The following NDST3 variants were observed in gnomAD, a reference collection of about 807,000 sequenced individuals.
The protein encoded by NDST3 is N-deacetylase and N-sulfotransferase 3, also known as bifunctional heparan sulfate N-deacetylase/N-sulfotransferase 3.
NDST3 carries 58 observed loss-of-function variants against 96.1 expected under a neutral mutation model. That is an observed-to-expected ratio of 0.60 (90% CI 0.49 to 0.75). The LOEUF (loss-of-function observed/expected upper bound fraction) is 0.75. Among genes scored for constraint, NDST3 ranks in the 30% least tolerant of loss-of-function variants. The pLI, the probability that NDST3 is intolerant of heterozygous loss-of-function variation, is 0.00. For missense variants in NDST3, 788 were observed against 1,034.2 expected (o/e 0.76, Z 3.27); for synonymous variants, 333 against 359.7 (o/e 0.93, Z 0.84).
intron 1 of NDST3, among the ~76,000 whole-genome samples, chr4:118,047,899 G>C (rs1372514780): frequency 6.6e-6 from 1 of 152,098 alleles, no homozygotes; most frequent in Non-Finnish European, 1.5e-5. Context: ...TACTATATGA[G>C]ATAACCATCC....
chr4:118,112,675 G>A (rs927445197), intron 3 of NDST3, among the ~76,000 whole-genome samples: 2 of 152,154 alleles, frequency 1.3e-5, no homozygotes, highest in Non-Finnish European at 2.9e-5. Context: ...AAGATCACCA[G>A]TCACACCTAC....
At chr4:118,089,280 A>G (rs1314118460) in intron 2 of NDST3, among the ~76,000 whole-genome samples, 3 of 152,116 alleles carry the variant, frequency 2.0e-5, no homozygotes, top group South Asian at 4.1e-4. Flanking sequence ...TGTAGAACTT[A>G]AGGGGTTTAT....
intron 6 of NDST3, among the ~76,000 whole-genome samples, chr4:118,151,083 T>G (rs1734360231): frequency 6.6e-6 from 1 of 152,136 alleles, no homozygotes; most frequent in Non-Finnish European, 1.5e-5. Flanking sequence ...TCATGTCCTT[T>G]GTAGGGACAT....
chr4:118,197,828 T>G (rs1201007204), intron 6 of NDST3, among the ~76,000 whole-genome samples: 4 of 141,062 alleles, frequency 2.8e-5, no homozygotes, highest in South Asian at 2.3e-4. Flanking sequence ...TGAGATGGAG[T>G]CTCACTCTGT....
chr4:118,066,080 A>C (rs1231200074), intron 2 of NDST3, among the ~76,000 whole-genome samples: 1 of 108,238 alleles, frequency 9.2e-6, no homozygotes, highest in Non-Finnish European at 1.8e-5. Context: ...TATATATAAC[A>C]TATTATATAT....
At chr4:118,253,005 G>A (rs1036706702) in intron 12 of NDST3, among the ~76,000 whole-genome samples, 1 of 152,162 alleles carries the variant, frequency 6.6e-6, no homozygotes, top group Non-Finnish European at 1.5e-5. Flanking sequence ...ATTATAGCTA[G>A]AGAATCCTAA....
intron 2 of NDST3, among the ~76,000 whole-genome samples, chr4:118,071,310 TG>T (rs558018354): frequency 1.4e-3 from 206 of 152,246 alleles, no homozygotes; most frequent in African/African-American, 4.8e-3. Flanking sequence ...GTTTGTTATA[TG>T]GTATAGTGCA....
chr4:118,070,396 G>A (rs1037274921), intron 2 of NDST3, among the ~76,000 whole-genome samples: 2 of 152,022 alleles, frequency 1.3e-5, no homozygotes, highest in African/African-American at 4.8e-5. Context: ...TGAGAAGGCT[G>A]GTTGGCCTCC....
intron 11 of NDST3, among the ~76,000 whole-genome samples, chr4:118,241,585 C>T (rs573725563): frequency 2.6e-5 from 4 of 152,270 alleles, no homozygotes; most frequent in South Asian, 4.2e-4. Flanking sequence ...TATGGATTAT[C>T]GAAATATTTC....
chr4:118,193,577 CT>C, intron 6 of NDST3: 1 of 1,127,168 alleles, frequency 8.9e-7, no homozygotes, highest in Non-Finnish European at 1.3e-6. Context: ...GGCAAGCTGC[CT>C]GCAGATCTGC....
At chr4:118,108,152 A>G (rs1462474445) in intron 3 of NDST3, among the ~76,000 whole-genome samples, 1 of 152,208 alleles carries the variant, frequency 6.6e-6, no homozygotes, top group Non-Finnish European at 1.5e-5. Flanking sequence ...AACCTCCCCC[A>G]TGATTCAATT....
intron 2 of NDST3, among the ~76,000 whole-genome samples, chr4:118,078,992 C>A (rs1031384267): frequency 3.3e-5 from 5 of 152,080 alleles, no homozygotes; most frequent in African/African-American, 1.2e-4. Flanking sequence ...TATATTTGAG[C>A]AGCATTTTGG....
intron 6 of NDST3, among the ~76,000 whole-genome samples, chr4:118,180,259 C>A (rs907758959): frequency 6.6e-6 from 1 of 152,132 alleles, no homozygotes; most frequent in Non-Finnish European, 1.5e-5. Context: ...TCTCTCCCTT[C>A]CTCCCCTCTC....
intron 4 of NDST3, among the ~76,000 whole-genome samples, chr4:118,132,877 T>C (rs151245726): frequency 5.7e-4 from 87 of 152,272 alleles, no homozygotes; most frequent in African/African-American, 2.1e-3. Flanking sequence ...GGGCCTGGAA[T>C]GGGGGCCTCA....
chr4:118,157,596 G>A (rs1734800857), intron 6 of NDST3, among the ~76,000 whole-genome samples: 1 of 151,890 alleles, frequency 6.6e-6, no homozygotes, highest in South Asian at 2.1e-4. Flanking sequence ...CTAATTTTTT[G>A]TATTTTTAGT....
chr4:118,194,658 C>T lies in NDST3; in HGVS notation c.1540-29833C>T, dbSNP rs1197907335. ...CCCTCTCTCGATGACCTTCAGCATG[C>T]CTTCCTCCTGTTTGGGCGAATGTCC... is the stretch of plus-strand genomic sequence containing the variant. On this transcript the variant is annotated intron_variant, in intron 6 of 13. Transcript: ENST00000296499. 14 of 662,366 alleles carry T rather than the reference C, an allele frequency of 2.1e-5. No homozygotes were observed. In the East Asian group the frequency reaches 3.9e-4, roughly 19 times the overall value. 41.0% of individuals were successfully genotyped at this position (662,366 alleles called of 1,614,324 possible).
At chr4:118,206,706 A>T (rs1190379462) in intron 6 of NDST3, among the ~76,000 whole-genome samples, 1 of 144,254 alleles carries the variant, frequency 6.9e-6, no homozygotes, top group East Asian at 2.0e-4. Flanking sequence ...TGAGGAGGTC[A>T]TTTAGAAAGT....
rs187068302 is a variant in NDST3, at chr4:118,179,306, C to T, written c.1539+35622C>T. Among the ~76,000 whole-genome samples the T allele has an allele frequency of 5.2e-3, 790 of 152,094 alleles. 5 individuals carry two copies. Among genetic ancestry groups the T allele is most frequent in the African/African-American group, 0.018 (748 of 41,504 alleles). On this transcript the variant is annotated intron_variant, in intron 6 of 13. Transcript: ENST00000296499. ...ATTGAAAGCGTGCCATAATGAGTAACTTCACATATTTTTAACATTAGTACT... is the reference window on the plus strand; with the variant it reads ...ATTGAAAGCGTGCCATAATGAGTAATTTCACATATTTTTAACATTAGTACT...
chr4:118,159,170 T>G (rs1331330924), intron 6 of NDST3, among the ~76,000 whole-genome samples: 1 of 152,196 alleles, frequency 6.6e-6, no homozygotes, highest in Non-Finnish European at 1.5e-5. Flanking sequence ...GGTGGATGGT[T>G]GCCCGAGAAA....
Sources: allele counts gnomAD v4.1 joint callset (sites outside exome capture counted in the v4.1 genomes callset), GRCh38; gene constraint gnomAD v4.1.1; transcripts MANE v1.5; gene names NCBI Gene and HGNC (gene_info 2026-07-23, HGNC 2026-07-21).